Variants in SETBP1 observed in about 807,000 individuals in gnomAD.
SETBP1 encodes SET binding protein 1, also known as SET-binding protein.
A neutral mutation model predicts 101.0 loss-of-function variants in SETBP1; 9 were observed. The observed-to-expected ratio is 0.09, with a 90% confidence interval of 0.05 to 0.16. The LOEUF is 0.16. SETBP1 is among the 10% of genes least tolerant of loss of function. The pLI is 1.00. For missense variants in SETBP1, 1,858 were observed against 2,033.8 expected (o/e 0.91, Z 1.66); for synonymous variants, 818 against 788.5 (o/e 1.04, Z -0.63).
At chr18:45,000,599 A>G (rs565950428) in intron 4 of SETBP1, among the ~76,000 whole-genome samples, 1 of 152,306 alleles carries the variant, frequency 6.6e-6, no homozygotes, top group East Asian at 1.9e-4. Context: ...AATAAAAAAT[A>G]TACATGTATA....
intron 3 of SETBP1, among the ~76,000 whole-genome samples, chr18:44,896,733 C>A (rs372587807): frequency 3.9e-5 from 6 of 152,174 alleles, no homozygotes; most frequent in African/African-American, 1.4e-4. Flanking sequence ...GCTGGGATTA[C>A]AGGTGTGAGC....
At chr18:45,055,349 C>T (rs939225025) in intron 5 of SETBP1, among the ~76,000 whole-genome samples, 1 of 152,072 alleles carries the variant, frequency 6.6e-6, no homozygotes, top group African/African-American at 2.4e-5. Flanking sequence ...AATATGTGCC[C>T]TCTTTTTCTT....
chr18:44,745,218 C>A (rs1312343551), intron 2 of SETBP1, among the ~76,000 whole-genome samples: 1 of 152,228 alleles, frequency 6.6e-6, no homozygotes, highest in Admixed American at 6.5e-5. Context: ...GATTTATAAT[C>A]ATTCGTGTAT....
chr18:44,863,483 C>A (rs990403799), intron 2 of SETBP1, among the ~76,000 whole-genome samples: 1 of 152,178 alleles, frequency 6.6e-6, no homozygotes. Context: ...TTTTCCTTAC[C>A]CGTAGGCTGT....
intron 3 of SETBP1, among the ~76,000 whole-genome samples, chr18:44,886,711 T>A (rs2069655597): frequency 6.6e-6 from 1 of 151,358 alleles, no homozygotes; most frequent in Non-Finnish European, 1.5e-5. Flanking sequence ...TTTCATTAGT[T>A]TGGCAATCAC....
At chr18:44,805,168 G>A (rs892377703) in intron 2 of SETBP1, among the ~76,000 whole-genome samples, 8 of 152,062 alleles carry the variant, frequency 5.3e-5, no homozygotes, top group South Asian at 2.1e-4. Context: ...TCTCTCTCTA[G>A]GGATTTAAAT....
intron 2 of SETBP1, among the ~76,000 whole-genome samples, chr18:44,803,739 T>A (rs2071662158): frequency 6.6e-6 from 1 of 152,156 alleles, no homozygotes; most frequent in Non-Finnish European, 1.5e-5. Flanking sequence ...TTTTTCTCAT[T>A]CTTTACATTT....
intron 3 of SETBP1, among the ~76,000 whole-genome samples, chr18:44,875,948 G>T (rs2069393253): frequency 6.6e-6 from 1 of 152,190 alleles, no homozygotes; most frequent in Non-Finnish European, 1.5e-5. Flanking sequence ...GTGACCACTG[G>T]TAAGTTCAGG....
chr18:45,019,832 C>T (rs779737786), intron 4 of SETBP1, among the ~76,000 whole-genome samples: 2 of 151,996 alleles, frequency 1.3e-5, no homozygotes, highest in Non-Finnish European at 2.9e-5. Context: ...GCATAAAAAA[C>T]ACCTCTCATT....
intron 3 of SETBP1, among the ~76,000 whole-genome samples, chr18:44,920,997 C>A (rs377233017): frequency 6.6e-6 from 1 of 152,122 alleles, no homozygotes; most frequent in Non-Finnish European, 1.5e-5. Flanking sequence ...AAGTCTGAGG[C>A]CTCGATTTCA....
At chr18:44,794,183 C>T (rs2071424306) in intron 2 of SETBP1, among the ~76,000 whole-genome samples, 2 of 152,160 alleles carry the variant, frequency 1.3e-5, no homozygotes, top group Non-Finnish European at 2.9e-5. Flanking sequence ...ACAACTGTAA[C>T]CCTTTTAGCT....
intron 4 of SETBP1, among the ~76,000 whole-genome samples, chr18:45,026,059 G>C (rs12971067): frequency 0.37 from 56,322 of 152,076 alleles, 11,149 homozygotes; most frequent in East Asian, 0.54. Context: ...TGTGCTCTGC[G>C]ACTATGTGCT....
chr18:44,840,647 G>A (rs1293596403), intron 2 of SETBP1, among the ~76,000 whole-genome samples: 2 of 152,216 alleles, frequency 1.3e-5, no homozygotes, highest in Non-Finnish European at 2.9e-5. Flanking sequence ...CTGGAGTAAT[G>A]AGAGGGAGAT....
chr18:44,803,261 A>G (rs1222769339), intron 2 of SETBP1, among the ~76,000 whole-genome samples: 6 of 152,190 alleles, frequency 3.9e-5, no homozygotes, highest in Admixed American at 3.3e-4. Flanking sequence ...TCCTTTGTAT[A>G]TAAACACAGT....
At chr18:44,726,689 A>G (rs1038989791) in intron 2 of SETBP1, among the ~76,000 whole-genome samples, 1 of 152,242 alleles carries the variant, frequency 6.6e-6, no homozygotes, top group Admixed American at 6.5e-5. Context: ...AAGTGACATG[A>G]ACTTGAAGTT....
At chr18:44,744,059 G>A (rs1024772273) in intron 2 of SETBP1, among the ~76,000 whole-genome samples, 23 of 152,184 alleles carry the variant, frequency 1.5e-4, no homozygotes, top group African/African-American at 5.3e-4. Context: ...ACAGATCAGC[G>A]AAATACTGCC....
Position 44,998,090 on chromosome 18 carries a change from G to A in SETBP1, c.4001-40395G>A, listed in dbSNP as rs117779962. On this transcript the variant is annotated intron_variant, in intron 4 of 5. Transcript: ENST00000649279. ...GCCCCTGTTCTAGTTAAAGAGAAGG[G>A]AGATTGGGACCGTTACAGTTCTTTG... Among the ~76,000 whole-genome samples the A allele has an allele frequency of 5.7e-4, 87 of 152,352 alleles. 1 individual carries two copies. Among genetic ancestry groups the A allele is most frequent in the East Asian group, 2.3e-3 (12 of 5,190 alleles).
chr18:45,061,164 AC>A (rs1299833597), intron 5 of SETBP1, among the ~76,000 whole-genome samples: 1 of 152,226 alleles, frequency 6.6e-6, no homozygotes. Flanking sequence ...ATTATCTGTC[AC>A]TGACATGAAG....
intron 4 of SETBP1, among the ~76,000 whole-genome samples, chr18:44,996,503 C>G (rs1306419365): frequency 6.6e-6 from 1 of 152,192 alleles, no homozygotes; most frequent in African/African-American, 2.4e-5. Flanking sequence ...TATTTACAGA[C>G]TGGATTTTAA....
Sources: gnomAD v4.1 joint callset for allele counts (sites outside exome capture counted in the v4.1 genomes callset) on GRCh38, gnomAD v4.1.1 for gene constraint, MANE v1.5 for transcripts, NCBI Gene and HGNC (gene_info 2026-07-23, HGNC 2026-07-21) for gene names.